The following SCN8A variants were observed in gnomAD, a reference collection of about 807,000 sequenced individuals.
SCN8A encodes sodium voltage-gated channel alpha subunit 8.
In SCN8A, 30 loss-of-function variants were observed where a neutral mutation model predicts 184.1. The ratio of observed to expected loss-of-function variants is 0.16; its 90% CI spans 0.12 to 0.22. The LOEUF is 0.22. Among genes scored for constraint, SCN8A ranks in the 10% least tolerant of loss-of-function variants. SCN8A has a pLI of 1.00. For missense variants in SCN8A, 1,057 were observed against 2,498.9 expected, an observed-to-expected ratio of 0.42 and a Z score of 12.30; for synonymous variants, 852 against 907.0, an observed-to-expected ratio of 0.94 and a Z score of 1.09.
At chr12:51,798,126 A>G (rs1302755264) in intron 26 of SCN8A, among the ~76,000 whole-genome samples, 2 of 152,176 alleles carry the variant, frequency 1.3e-5, no homozygotes, top group African/African-American at 4.8e-5. Context: ...ATTGTTACCT[A>G]GTTGGCATTG....
At chr12:51,784,710 T>C (rs915807260) in intron 21 of SCN8A, among the ~76,000 whole-genome samples, 1 of 152,234 alleles carries the variant, frequency 6.6e-6, no homozygotes, top group Non-Finnish European at 1.5e-5. Flanking sequence ...TGGATCAATA[T>C]GTAAAATTTT....
chr12:51,592,489 A>G (rs1413632802), intron 1 of SCN8A, among the ~76,000 whole-genome samples: 1 of 152,118 alleles, frequency 6.6e-6, no homozygotes. Flanking sequence ...TTTTTGAAGC[A>G]TGAGGGAATA....
intron 1 of SCN8A, among the ~76,000 whole-genome samples, chr12:51,597,976 G>T (rs1020878239): frequency 1.3e-5 from 2 of 152,048 alleles, no homozygotes; most frequent in African/African-American, 4.8e-5. Flanking sequence ...AATCAAGCAG[G>T]TTGCAAATGA....
chr12:51,702,721 TG>T, intron 8 of SCN8A, 51 bp from the exon 9 acceptor site: 3 of 1,442,564 alleles, frequency 2.1e-6, no homozygotes, highest in Non-Finnish European at 2.8e-6. Flanking sequence ...TCCAAGGTCA[TG>T]GCTGGGTGGA....
chr12:51,758,310 A>C (rs1942708485), intron 14 of SCN8A, among the ~76,000 whole-genome samples: 1 of 152,260 alleles, frequency 6.6e-6, no homozygotes, highest in Admixed American at 6.5e-5. Flanking sequence ...TATCACAATA[A>C]TACACCTATC....
rs546283699 is a variant in SCN8A, at chr12:51,721,409, T to G, written c.1636-137T>G. On this transcript the variant is annotated intron_variant, in intron 11 of 26. Coordinates refer to ENST00000627620, the MANE Select transcript of SCN8A (RefSeq NM_001330260.2). ...TAGCAGTCAACATGCAGAAGTGCTT[T>G]CTGGAAACACTTGTGTTCTGATCAC... The G allele has an allele frequency of 1.4e-4, 122 of 891,032 alleles. 1 individual carries two copies. The South Asian group carries it at 2.4e-3, about 17-fold the overall frequency. The allele number at this position is 891,032 out of a possible 1,614,324, so 55.2% of individuals were successfully genotyped here.
chr12:51,693,288 T>G (rs1211135153), intron 6 of SCN8A, among the ~76,000 whole-genome samples: 1 of 152,208 alleles, frequency 6.6e-6, no homozygotes, highest in Non-Finnish European at 1.5e-5. Flanking sequence ...ACATTGCTTC[T>G]TAGGAAAGAT....
chr12:51,733,282 A>C (rs1465035581), intron 12 of SCN8A, among the ~76,000 whole-genome samples: 1 of 152,152 alleles, frequency 6.6e-6, no homozygotes, highest in Non-Finnish European at 1.5e-5. Context: ...GAATTTTATA[A>C]AATGCTTTTT....
chr12:51,615,606 C>G lies in SCN8A; in HGVS notation c.-55+24247C>G, dbSNP rs140621438. ...AGTACCGTGTAGATCTCTTTACTGT[C>G]TCCCTTTTATGTTGTAATTTTCATA... On this transcript the variant is annotated intron_variant, in intron 1 of 26. Transcript: ENST00000627620. 6.9e-4 allele frequency among the ~76,000 whole-genome samples: 104 copies of G among 151,808 alleles called. 1 individual carries two copies. The highest frequency in any genetic ancestry group is 2.4e-3 in the African/African-American group (99 of 41,418).
chr12:51,763,440 C>T (rs1439790), intron 15 of SCN8A, among the ~76,000 whole-genome samples: 129,082 of 152,224 alleles, frequency 0.85, 55,162 homozygotes, highest in East Asian at 0.98. Flanking sequence ...CAGTAGGTTA[C>T]GTATATTAAA....
intron 20 of SCN8A, among the ~76,000 whole-genome samples, chr12:51,778,395 C>T (rs2138886625): frequency 6.6e-6 from 1 of 152,266 alleles, no homozygotes; most frequent in South Asian, 2.1e-4. Context: ...AGCAATTCTC[C>T]TGCCTCAGCC....
intron 26 of SCN8A, 84 bp downstream of exon 26, chr12:51,794,725 A>G: frequency 7.2e-7 from 1 of 1,387,370 alleles, no homozygotes; most frequent in Non-Finnish European, 9.9e-7. Flanking sequence ...GGAATGAATG[A>G]CACAGGTCTG....
At chr12:51,740,373 A>G (rs1312928049) in intron 12 of SCN8A, among the ~76,000 whole-genome samples, 2 of 152,182 alleles carry the variant, frequency 1.3e-5, no homozygotes, top group Non-Finnish European at 2.9e-5. Flanking sequence ...GAAACTTTTC[A>G]GTTTCCTTCT....
intron 11 of SCN8A, chr12:51,712,470 T>C: frequency 1.3e-6 from 1 of 768,294 alleles, no homozygotes; most frequent in Non-Finnish European, 2.4e-6. Flanking sequence ...TTTTAGAACC[T>C]TCTGCTACTA....
At chr12:51,744,691 C>T (rs115901153) in intron 12 of SCN8A, among the ~76,000 whole-genome samples, 2,619 of 151,410 alleles carry the variant, frequency 0.017, 62 homozygotes, top group African/African-American at 0.06. Flanking sequence ...GTAATCCTGC[C>T]GCCTCCACCA....
intron 1 of SCN8A, among the ~76,000 whole-genome samples, chr12:51,615,369 A>C (rs538127019): frequency 9.6e-4 from 146 of 152,296 alleles, no homozygotes; most frequent in African/African-American, 3.2e-3. Context: ...AGCCTGAGCA[A>C]CATGGTAAAA....
At chr12:51,609,651 A>G (rs1939673405) in intron 1 of SCN8A, among the ~76,000 whole-genome samples, 1 of 152,148 alleles carries the variant, frequency 6.6e-6, no homozygotes. Context: ...GCACTTTGGG[A>G]GGCAGAGGCA....
chr12:51,748,314 A>T (rs1415260370), intron 13 of SCN8A, among the ~76,000 whole-genome samples: 1 of 152,224 alleles, frequency 6.6e-6, no homozygotes, highest in Non-Finnish European at 1.5e-5. Context: ...GACTTACCTA[A>T]TAGTTTAGAA....
chr12:51,717,959 C>G (rs933346896), intron 11 of SCN8A, among the ~76,000 whole-genome samples: 2 of 151,990 alleles, frequency 1.3e-5, no homozygotes, highest in Non-Finnish European at 2.9e-5. Context: ...TGCTTAAAGC[C>G]AAAGCAGGAA....
Sources: gnomAD v4.1 joint callset for allele counts (sites outside exome capture counted in the v4.1 genomes callset) on GRCh38, gnomAD v4.1.1 for gene constraint, MANE v1.5 for transcripts, NCBI Gene and HGNC (gene_info 2026-07-23, HGNC 2026-07-21) for gene names.